Variants in KAZN observed in about 807,000 individuals in gnomAD.
KAZN encodes the protein kazrin, periplakin interacting protein.
A neutral mutation model predicts 87.4 loss-of-function variants in KAZN; 40 were observed. The ratio of observed to expected loss-of-function variants is 0.46; its 90% CI spans 0.36 to 0.60. KAZN has a LOEUF of 0.60. KAZN is among the 20% of genes least tolerant of loss of function. The pLI is 0.00. For missense variants in KAZN, 898 were observed against 1,073.9 expected (o/e 0.84, Z 2.29); for synonymous variants, 466 against 458.3 (o/e 1.02, Z -0.22).
chr1:14,417,702 G>A (rs948386076), intron 2 of KAZN, among the ~76,000 whole-genome samples: 23 of 152,014 alleles, frequency 1.5e-4, no homozygotes, highest in Admixed American at 1.5e-3. Flanking sequence ...TAAACCACAA[G>A]AAACCTACAT....
rs368414063 is a variant in KAZN at position 14,450,672 on chromosome 1, G to A, written c.250-148311G>A. Among the ~76,000 whole-genome samples, 37 of 152,250 alleles carry A rather than the reference G, an allele frequency of 2.4e-4. 1 individual carries two copies. The highest frequency in any genetic ancestry group is 2.1e-3 in the East Asian group (11 of 5,180). ...TGTGATATTGTGACGATGGTGGGGC[G>A]TGGGAAAAATGATGTCAACTACCAC... On this transcript the variant is annotated intron_variant, in intron 2 of 16. Coordinates refer to the KAZN transcript ENST00000636203.
chr1:14,355,148 A>G (rs995454624), intron 2 of KAZN, among the ~76,000 whole-genome samples: 2 of 152,196 alleles, frequency 1.3e-5, no homozygotes, highest in Non-Finnish European at 2.9e-5. Context: ...AACACAATTA[A>G]TTACAGTGTT....
chr1:14,137,239 G>A (rs774687781), intron 1 of KAZN, among the ~76,000 whole-genome samples: 9 of 152,220 alleles, frequency 5.9e-5, no homozygotes, highest in Non-Finnish European at 1.3e-4. Flanking sequence ...TCAGGCAGGT[G>A]CACACCCAGG....
chr1:15,047,715 G>A (rs547319904), intron 4 of KAZN, among the ~76,000 whole-genome samples: 1 of 152,206 alleles, frequency 6.6e-6, no homozygotes, highest in East Asian at 1.9e-4. Flanking sequence ...AGGTTGCACT[G>A]AGCCAAAATC....
chr1:14,747,270 T>TTATG (rs1223732426), intron 1 of KAZN, among the ~76,000 whole-genome samples: 1 of 152,020 alleles, frequency 6.6e-6, no homozygotes, highest in Non-Finnish European at 1.5e-5. Context: ...TATTTTTATT[T>TTATG]TATTTATTTA....
chr1:15,092,489 T>C (rs1426672493), intron 8 of KAZN, among the ~76,000 whole-genome samples: 1 of 151,946 alleles, frequency 6.6e-6, no homozygotes, highest in Non-Finnish European at 1.5e-5. Context: ...TGTTCTGTTT[T>C]GAGTTGGGGT....
rs1644896705 is a variant in KAZN, at chr1:14,127,406, T to A, written c.92-53029T>A. On this transcript the variant is annotated intron_variant, in intron 1 of 16. Transcript: ENST00000636203. ...GCATACCCCTTTACTGTTGTTTTTT[T>A]TTTTTTTTGGTCTGAGTGTGTGTTC... Among the ~76,000 whole-genome samples, 2 of 151,746 alleles carry A rather than the reference T, an allele frequency of 1.3e-5. 1 individual carries two copies. Among genetic ancestry groups the A allele is most frequent in the African/African-American group, 4.8e-5 (2 of 41,322 alleles).
intron 1 of KAZN, among the ~76,000 whole-genome samples, chr1:14,035,723 C>T (rs899480084): frequency 3.6e-4 from 54 of 151,982 alleles, no homozygotes; most frequent in African/African-American, 1.3e-3. Context: ...GATCTGCCCG[C>T]CTCGGCCTCC....
intron 2 of KAZN, among the ~76,000 whole-genome samples, chr1:14,294,911 T>C (rs1479454781): frequency 3.3e-5 from 5 of 151,470 alleles, no homozygotes; most frequent in Admixed American, 6.6e-5. Flanking sequence ...TTTTTTTTTT[T>C]TTTCAGCAGC....
intron 2 of KAZN, among the ~76,000 whole-genome samples, chr1:14,516,396 A>C (rs1671300813): frequency 6.6e-6 from 1 of 152,162 alleles, no homozygotes; most frequent in Non-Finnish European, 1.5e-5. Context: ...AAGCCCTTGG[A>C]TGTAGAGAGA....
At chr1:14,953,360 C>T (rs952093796) in intron 1 of KAZN, among the ~76,000 whole-genome samples, 5 of 152,256 alleles carry the variant, frequency 3.3e-5, no homozygotes, top group Non-Finnish European at 1.5e-5. Flanking sequence ...ACAGACCTTG[C>T]TCCTCTCCTT....
chr1:14,674,704 A>G (rs1640112948), intron 1 of KAZN, among the ~76,000 whole-genome samples: 1 of 151,962 alleles, frequency 6.6e-6, no homozygotes, highest in African/African-American at 2.4e-5. Context: ...GAAAGTAGAC[A>G]GAGATTCAGT....
chr1:14,129,353 C>A (rs761591038), intron 1 of KAZN, among the ~76,000 whole-genome samples: 5 of 152,210 alleles, frequency 3.3e-5, no homozygotes, highest in Admixed American at 3.3e-4. Flanking sequence ...GAACACTCTG[C>A]CAAGCCTAAA....
intron 8 of KAZN, among the ~76,000 whole-genome samples, chr1:15,082,086 G>A (rs188956108): frequency 4.6e-5 from 7 of 152,236 alleles, no homozygotes; most frequent in Non-Finnish European, 1.0e-4. Context: ...TTCAGCAGGG[G>A]ACGTTGCAAC....
chr1:14,031,853 G>T (rs981987788), intron 1 of KAZN, among the ~76,000 whole-genome samples: 3 of 151,218 alleles, frequency 2.0e-5, no homozygotes, highest in African/African-American at 7.4e-5. Context: ...TGGAATTCTG[G>T]AGTTTGTGTG....
At chr1:14,788,785 A>G (rs2100679228) in intron 1 of KAZN, among the ~76,000 whole-genome samples, 1 of 152,184 alleles carries the variant, frequency 6.6e-6, no homozygotes, top group East Asian at 1.9e-4. Flanking sequence ...CACCACTTGT[A>G]CACGTGGGAG....
intron 2 of KAZN, among the ~76,000 whole-genome samples, chr1:14,992,359 G>A (rs1459049529): frequency 6.6e-6 from 1 of 152,196 alleles, no homozygotes; most frequent in African/African-American, 2.4e-5. Context: ...TCCAGGGTCA[G>A]GTCCCTCACC....
At chr1:14,840,322 C>T (rs1217610775) in intron 1 of KAZN, among the ~76,000 whole-genome samples, 1 of 152,220 alleles carries the variant, frequency 6.6e-6, no homozygotes, top group Non-Finnish European at 1.5e-5. Context: ...CAAATCATCT[C>T]ATTTCAACCT....
Position 15,114,752 on chromosome 1 carries a change from T to C in KAZN, c.*117T>C, listed in dbSNP as rs1641783044. The C allele has an allele frequency of 2.4e-5, 26 of 1,062,202 alleles. 1 individual carries two copies. The South Asian group carries it at 4.6e-4, about 19-fold the overall frequency. The allele number at this position is 1,062,202 out of a possible 1,614,324, so 65.8% of individuals were successfully genotyped here. A position where few individuals can be genotyped will look rare whatever the true frequency, so the allele number is the denominator to read the frequency against. On this transcript the variant is annotated 3_prime_UTR_variant, in exon 15 of 15. Coordinates refer to ENST00000376030, the MANE Select transcript of KAZN (RefSeq NM_201628.3). ...GCCGCAGGCTGAGGATGTCCCTTGC[T>C]CCTGGGCAAAATCCCGATGGACTCT...
Sources: allele counts gnomAD v4.1 joint callset (sites outside exome capture counted in the v4.1 genomes callset), GRCh38; gene constraint gnomAD v4.1.1; transcripts MANE v1.5; gene names NCBI Gene and HGNC (gene_info 2026-07-23, HGNC 2026-07-21).